The following GLCE variants were observed in gnomAD, a reference collection of about 807,000 sequenced individuals.
GLCE encodes the protein D-glucuronyl C5-epimerase.
A neutral mutation model predicts 47.9 loss-of-function variants in GLCE; 19 were observed. That is an observed-to-expected ratio of 0.40 (90% CI 0.28 to 0.58). The LOEUF (loss-of-function observed/expected upper bound fraction) is 0.58, where lower values mean the gene tolerates loss of function less well. Ranked by LOEUF, GLCE falls within the 20% of genes least tolerant of loss-of-function variation. GLCE has a pLI of 0.48. For synonymous variants in GLCE, 245 were observed against 263.4 expected (o/e 0.93, Z 0.68); for missense variants, 556 against 743.3 (o/e 0.75, Z 2.93).
At chr15:69,171,839 C>A (rs62008157) in intron 1 of GLCE, among the ~76,000 whole-genome samples, 1 of 152,090 alleles carries the variant, frequency 6.6e-6, no homozygotes, top group Non-Finnish European at 1.5e-5. Context: ...TTCTTGTCTC[C>A]TACTGAGGAT....
At chr15:69,231,518 C>T (rs980200705) in intron 2 of GLCE, among the ~76,000 whole-genome samples, 71 of 152,068 alleles carry the variant, frequency 4.7e-4, no homozygotes, top group African/African-American at 1.6e-3. Context: ...TTCCTGATCT[C>T]GTGATCCGCC....
chr15:69,164,509 A>G (rs1566944103), intron 1 of GLCE, among the ~76,000 whole-genome samples: 1 of 150,138 alleles, frequency 6.7e-6, no homozygotes, highest in Non-Finnish European at 1.5e-5. Flanking sequence ...TGACATGTGT[A>G]TGTTGTTATA....
chr15:69,206,343 A>C (rs983104040), intron 1 of GLCE, among the ~76,000 whole-genome samples: 3 of 151,980 alleles, frequency 2.0e-5, no homozygotes, highest in African/African-American at 7.2e-5. Flanking sequence ...TGTTTATCAG[A>C]TTTCCTCACT....
At chr15:69,177,793 A>G (rs1457144925) in intron 1 of GLCE, among the ~76,000 whole-genome samples, 2 of 152,136 alleles carry the variant, frequency 1.3e-5, no homozygotes, top group Admixed American at 1.3e-4. Flanking sequence ...CCATTGATCT[A>G]CTTAATGTAA....
At chr15:69,232,271 T>C (rs2052535611) in intron 2 of GLCE, among the ~76,000 whole-genome samples, 1 of 152,214 alleles carries the variant, frequency 6.6e-6, no homozygotes, top group South Asian at 2.1e-4. Flanking sequence ...GGTAGAATAG[T>C]CATTAATGTC....
intron 1 of GLCE, among the ~76,000 whole-genome samples, chr15:69,178,612 CAGG>C (rs2051706804): frequency 6.6e-6 from 1 of 151,800 alleles, no homozygotes; most frequent in South Asian, 2.1e-4. Flanking sequence ...CAAATTTAAA[CAGG>C]AGAACATTTT....
chr15:69,170,795 C>T lies in GLCE; in HGVS notation c.-105+10038C>T, dbSNP rs148222503. On this transcript the variant is annotated intron_variant, in intron 1 of 4. Coordinates refer to ENST00000261858, the MANE Select transcript of GLCE (RefSeq NM_015554.3). ...TTTTCTGTAAGACAAGTGGCCTTAG[C>T]GCTCCTTATTATTGAATCAGTTCTT... Among the ~76,000 whole-genome samples, 267 of 152,266 alleles carry T rather than the reference C, an allele frequency of 1.8e-3. 1 individual carries two copies. Among genetic ancestry groups the T allele is most frequent in the Middle Eastern group, 6.8e-3 (2 of 294 alleles).
rs150605641 is a variant in GLCE, at chr15:69,259,359, C to A, written c.587-1728C>A. On this transcript the variant is annotated intron_variant, in intron 3 of 4. Coordinates refer to ENST00000261858, the MANE Select transcript of GLCE (RefSeq NM_015554.3). ...GAAGTTTTTAGTTCCATTTATTAAA[C>A]TTATGGGGTTTTTTGGATCTTTGTA... Among the ~76,000 whole-genome samples the A allele has an allele frequency of 2.7e-4, 41 of 152,126 alleles. No individual in the cohort carries two copies. The East Asian group carries it at 6.6e-3, about 24-fold the overall frequency.
Position 69,268,501 on chromosome 15 carries a change from A to G in GLCE, c.1111A>G (p.Lys371Glu). 6.2e-7 allele frequency: 1 copy of G among 1,614,186 alleles called. No individual in the cohort carries two copies. Residue 371 changes from lysine to glutamate, a missense_variant, in exon 5 of 5, where the codon AAG becomes GAG. Physicochemically the swap from Lys to Glu is moderately conservative, Grantham distance 56. This residue lies in a region of GLCE where 245 missense variants were observed against 368.1 expected (regional missense o/e 0.67). Coordinates refer to ENST00000261858, the MANE Select transcript of GLCE (RefSeq NM_015554.3). ...GVGLSNTKAV[K>E]PTKIMPKKVV... is the part of the protein sequence containing the mutation. ...GGGTCTTTCAAACACAAAAGCTGTC[A>G]AGCCAACCAAAATAATGCCCAAGAA... is the stretch of plus-strand genomic sequence containing the variant.
At chr15:69,240,253 C>T (rs879802118) in intron 2 of GLCE, among the ~76,000 whole-genome samples, 104,458 of 146,786 alleles carry the variant, frequency 0.71, 37,655 homozygotes, top group Admixed American at 0.8. Flanking sequence ...CACTGCACTC[C>T]AGCCTGGGCG....
At chr15:69,197,236 C>A in intron 1 of GLCE, 1 of 418,684 alleles carries the variant, frequency 2.4e-6, no homozygotes, top group Non-Finnish European at 4.8e-6. Flanking sequence ...ACCGTATTCA[C>A]CTGACTTCTT....
intron 2 of GLCE, among the ~76,000 whole-genome samples, chr15:69,251,713 T>C (rs1444906955): frequency 1.3e-5 from 2 of 152,214 alleles, no homozygotes; most frequent in Non-Finnish European, 2.9e-5. Context: ...TTTCTCCTTT[T>C]TAAATATTAT....
At chr15:69,214,300 TAATCCCC>T (rs1373085654) in intron 2 of GLCE, among the ~76,000 whole-genome samples, 2 of 152,110 alleles carry the variant, frequency 1.3e-5, no homozygotes, top group Non-Finnish European at 2.9e-5. Flanking sequence ...ATAATTCCCA[TAATCCCC>T]ACATGTTGAG....
intron 1 of GLCE, among the ~76,000 whole-genome samples, chr15:69,187,620 A>G (rs998996053): frequency 6.6e-6 from 1 of 152,220 alleles, no homozygotes; most frequent in African/African-American, 2.4e-5. Flanking sequence ...ATGAAGAAAA[A>G]CATTAACATG....
chr15:69,220,046 A>G (rs1356593558), intron 2 of GLCE, among the ~76,000 whole-genome samples: 1 of 152,170 alleles, frequency 6.6e-6, no homozygotes, highest in South Asian at 2.1e-4. Flanking sequence ...AACATATATC[A>G]TAATTTCCTT....
chr15:69,250,657 C>T (rs1257284084), intron 2 of GLCE, among the ~76,000 whole-genome samples: 1 of 151,910 alleles, frequency 6.6e-6, no homozygotes, highest in Non-Finnish European at 1.5e-5. Flanking sequence ...TGGTGGTTCT[C>T]TACTCCCGGG....
chr15:69,262,489 A>G (rs1351992333), intron 4 of GLCE, among the ~76,000 whole-genome samples: 3 of 152,200 alleles, frequency 2.0e-5, no homozygotes, highest in African/African-American at 4.8e-5. Flanking sequence ...TTTTTGCACT[A>G]GTTAATAATG....
chr15:69,195,601 G>A (rs1038450314), intron 1 of GLCE, among the ~76,000 whole-genome samples: 15 of 152,026 alleles, frequency 9.9e-5, no homozygotes, highest in African/African-American at 2.7e-4. Flanking sequence ...AAAATCAGTC[G>A]TGTTGCTCCT....
intron 2 of GLCE, among the ~76,000 whole-genome samples, chr15:69,210,666 C>T (rs1446151470): frequency 6.6e-6 from 1 of 152,072 alleles, no homozygotes; most frequent in Admixed American, 6.6e-5. Context: ...CTTGTAACAA[C>T]TACTAGATTC....
Sources: gnomAD v4.1 joint callset for allele counts (sites outside exome capture counted in the v4.1 genomes callset) on GRCh38, gnomAD v4.1.1 for gene constraint, gnomAD v4.1.1 regional missense constraint, MANE v1.5 for transcripts, NCBI Gene and HGNC (gene_info 2026-07-23, HGNC 2026-07-21) for gene names.